Variants in CDC20B observed in about 807,000 individuals in gnomAD.
The protein encoded by CDC20B is cell division cycle protein 20 homolog B.
A neutral mutation model predicts 64.1 loss-of-function variants in CDC20B; 58 were observed. The ratio of observed to expected loss-of-function variants is 0.90; its 90% confidence interval spans 0.73 to 1.13. CDC20B has a LOEUF of 1.13. Ranked by LOEUF, CDC20B falls within the 50% of genes most tolerant of loss-of-function variation. CDC20B has a pLI of 0.00. For synonymous variants in CDC20B, 243 were observed against 230.6 expected (o/e 1.05, Z -0.49); for missense variants, 597 against 633.0 (o/e 0.94, Z 0.61).
chr5:55,144,450 G>T (rs1743417826), intron 3 of CDC20B, among the ~76,000 whole-genome samples: 1 of 152,116 alleles, frequency 6.6e-6, no homozygotes, highest in African/African-American at 2.4e-5. Flanking sequence ...TTAGCCTTTT[G>T]CCATGTGACA....
At chr5:55,167,506 C>G (rs1744453690) in intron 2 of CDC20B, among the ~76,000 whole-genome samples, 1 of 152,058 alleles carries the variant, frequency 6.6e-6, no homozygotes, top group African/African-American at 2.4e-5. Flanking sequence ...GCTCATGCTC[C>G]CTCATGGTCA....
chr5:55,113,829 T>C lies in CDC20B; in HGVS notation c.*389A>G, dbSNP rs1742563044. 6.0e-6 allele frequency: 1 copy of C among 165,804 alleles called. No individual in the cohort carries two copies. 10.3% of individuals were successfully genotyped at this position (165,804 alleles called of 1,614,324 possible). A position where few individuals can be genotyped will look rare whatever the true frequency, so the allele number is the denominator to read the frequency against. On this transcript the variant is annotated 3_prime_UTR_variant, in exon 12 of 12. Coordinates refer to ENST00000381375, the MANE Select transcript of CDC20B (RefSeq NM_001170402.1). ...ATTGAGCTAAAGACAGGAAAGTATC[T>C]CAAAAGGGAACTATCCTGAGGCAAT...
rs189304174 is a variant in CDC20B, at chr5:55,139,708, G to A, written c.580+606C>T. 3.9e-5 allele frequency among the ~76,000 whole-genome samples: 6 copies of A among 152,210 alleles called. No homozygotes were observed. The South Asian group carries it at 6.2e-4, about 16-fold the overall frequency. On this transcript the variant is annotated intron_variant, in intron 5 of 11. Transcript: ENST00000381375. Reference sequence around the variant, plus strand: ...TTTTAAAGTGTGATATAAGCATGTCGAGAAACTGATGAAACTGAATGAGGC... The same window carrying A: ...TTTTAAAGTGTGATATAAGCATGTCAAGAAACTGATGAAACTGAATGAGGC...
intron 5 of CDC20B, among the ~76,000 whole-genome samples, chr5:55,138,165 T>TA (rs33958487): frequency 0.39 from 54,622 of 141,344 alleles, 10,553 homozygotes; most frequent in East Asian, 0.51. Flanking sequence ...GATTTTGAGT[T>TA]AAAAAAAAAA....
intron 2 of CDC20B, among the ~76,000 whole-genome samples, chr5:55,151,427 A>T (rs1452111230): frequency 6.6e-6 from 1 of 152,214 alleles, no homozygotes; most frequent in Non-Finnish European, 1.5e-5. Flanking sequence ...GCATTGGAAG[A>T]TAAACTTAGT....
Position 55,172,663 on chromosome 5 carries a change from A to G in CDC20B, c.64-13T>C. The G allele has an allele frequency of 6.3e-7, 1 of 1,594,146 alleles. No individual in the cohort carries two copies. Among genetic ancestry groups the G allele is most frequent in the Non-Finnish European group, 8.6e-7 (1 of 1,162,416 alleles). On this transcript the variant is annotated splice_polypyrimidine_tract_variant and intron_variant, in intron 1 of 11. Coordinates refer to ENST00000381375, the MANE Select transcript of CDC20B (RefSeq NM_001170402.1). Reference sequence around the variant, plus strand: ...GCATGATACTTTCCTTTGAAAACACAGATAACATATTGAGGGAGAAACTAT... The same window carrying G: ...GCATGATACTTTCCTTTGAAAACACGGATAACATATTGAGGGAGAAACTAT...
At chr5:55,148,525 G>T (rs1444214842) in intron 2 of CDC20B, among the ~76,000 whole-genome samples, 2 of 152,238 alleles carry the variant, frequency 1.3e-5, no homozygotes, top group East Asian at 3.9e-4. Context: ...ACCAGCCTGG[G>T]CAACAAGACA....
chr5:55,125,041 A>AT lies in CDC20B; in HGVS notation c.990-14dup, dbSNP rs775742045. The AT allele has an allele frequency of 6.2e-6, 10 of 1,601,950 alleles. No individual in the cohort carries two copies. In the African/African-American group the frequency reaches 1.3e-4, roughly 21 times the overall value. On this transcript the variant is annotated splice_polypyrimidine_tract_variant and intron_variant, in intron 8 of 11. Transcript: ENST00000381375. ...CAGTCTTGACCCACTGCGAGTTTAC[A>AT]TAACAAAAAAATTAAGCCCTGTTGC...
At chr5:55,138,593 T>TG (rs376857872) in intron 5 of CDC20B, among the ~76,000 whole-genome samples, 95 of 151,830 alleles carry the variant, frequency 6.3e-4, no homozygotes, top group African/African-American at 2.1e-3. Flanking sequence ...CCAAAGTAAA[T>TG]GGGGGGTTGG....
intron 6 of CDC20B, 62 bp from the exon 7 acceptor site, chr5:55,128,679 A>C: frequency 3.2e-6 from 4 of 1,248,768 alleles, no homozygotes; most frequent in Non-Finnish European, 4.3e-6. Context: ...TGTTCAAATA[A>C]ACAACTTTAT....
intron 8 of CDC20B, among the ~76,000 whole-genome samples, chr5:55,126,087 G>A (rs1233101068): frequency 6.6e-6 from 1 of 152,172 alleles, no homozygotes; most frequent in Non-Finnish European, 1.5e-5. Context: ...TAACAATGCA[G>A]ATTAGAAAAG....
At chr5:55,128,277 A>G (rs1742942991) in intron 7 of CDC20B, 144 bp downstream of exon 7, 1 of 550,256 alleles carries the variant, frequency 1.8e-6, no homozygotes, top group South Asian at 3.7e-5. Flanking sequence ...AAAAAAAAAA[A>G]AGCGGAATGT....
chr5:55,166,628 G>A (rs1744402768), intron 2 of CDC20B: 1 of 152,162 alleles, frequency 6.6e-6, no homozygotes, highest in Non-Finnish European at 1.5e-5. Flanking sequence ...AGGAAAAGTT[G>A]AATCTTTCCT....
intron 9 of CDC20B, among the ~76,000 whole-genome samples, chr5:55,123,773 GC>G (rs1742811382): frequency 6.6e-6 from 1 of 152,144 alleles, no homozygotes; most frequent in African/African-American, 2.4e-5. Flanking sequence ...TTTTCAGACA[GC>G]GTATTTTACA....
At chr5:55,155,953 G>A (rs527974762) in intron 2 of CDC20B, among the ~76,000 whole-genome samples, 5 of 152,116 alleles carry the variant, frequency 3.3e-5, no homozygotes, top group African/African-American at 9.7e-5. Context: ...GCCTCCTCAC[G>A]AATGAAACCC....
At chr5:55,151,067 C>T (rs957664371) in intron 2 of CDC20B, among the ~76,000 whole-genome samples, 2 of 152,142 alleles carry the variant, frequency 1.3e-5, no homozygotes, top group Non-Finnish European at 2.9e-5. Flanking sequence ...CATTTCCCCA[C>T]TTTTTTATTT....
chr5:55,160,341 T>C, intron 2 of CDC20B: 1 of 1,613,756 alleles, frequency 6.2e-7, no homozygotes, highest in South Asian at 1.1e-5. Flanking sequence ...TTTTATGCCT[T>C]TGAAGTGAAG....
At chr5:55,170,641 T>C (rs762579978) in intron 2 of CDC20B, 2 of 534,664 alleles carry the variant, frequency 3.7e-6, no homozygotes, top group East Asian at 1.1e-4. Context: ...AGCACTTCAT[T>C]GACAAGAAGA....
chr5:55,140,281 G>A (rs568156219), intron 5 of CDC20B, 33 bp downstream of exon 5: 133 of 1,297,830 alleles, frequency 1.0e-4, no homozygotes, highest in Middle Eastern at 9.3e-4. Flanking sequence ...AGAGAGGAGC[G>A]CAGGAAAGAA....
Sources: gnomAD v4.1 joint callset for allele counts (sites outside exome capture counted in the v4.1 genomes callset) on GRCh38, gnomAD v4.1.1 for gene constraint, MANE v1.5 for transcripts, NCBI Gene and HGNC (gene_info 2026-07-23, HGNC 2026-07-21) for gene names.